CBX2: variants seen among roughly 807,000 people sequenced by gnomAD.
CBX2 encodes chromobox protein homolog 2.
Under a neutral mutation model 21.0 loss-of-function variants are expected in CBX2, and 11 were observed. That is an observed-to-expected ratio of 0.52 (90% CI 0.33 to 0.87). The LOEUF (loss-of-function observed/expected upper bound fraction) is 0.87, where lower values mean the gene tolerates loss of function less well. Ranked by LOEUF, CBX2 falls within the 40% of genes least tolerant of loss-of-function variation. CBX2 has a pLI of 0.02. For synonymous variants in CBX2, 364 were observed against 304.6 expected, an observed-to-expected ratio of 1.19 and a Z score of -2.03; for missense variants, 746 against 724.3, an observed-to-expected ratio of 1.03 and a Z score of -0.34.
Position 79,783,357 on chromosome 17 carries a change from G to A in CBX2, c.289-375G>A, listed in dbSNP as rs538793232. Among the ~76,000 whole-genome samples the A allele has an allele frequency of 2.1e-4, 32 of 152,224 alleles. 1 individual carries two copies. The highest frequency in any genetic ancestry group is 7.7e-4 in the African/African-American group (32 of 41,510). On this transcript the variant is annotated intron_variant, in intron 4 of 4. Transcript: ENST00000310942. ...GCCCAGTGTTCCTTGGGGACAGCAT[G>A]GCGCTCTGGACCCTGGGAACAGGCA...
Position 79,781,812 on chromosome 17 carries a change from G to T in CBX2, c.288+11G>T. ...CGCTCCAAGCTCAAGGTGGGTGGCT[G>T]CGCTGGGTATGCTGACCCCACCTCC... On this transcript the variant is annotated intron_variant, in intron 4 of 4. Transcript: ENST00000310942. 1 of 1,614,050 alleles carries T rather than the reference G, an allele frequency of 6.2e-7. No homozygotes were observed. The highest frequency in any genetic ancestry group is 8.5e-7 in the Non-Finnish European group (1 of 1,179,950).
At chr17:79,782,346 A>G in intron 4 of CBX2, 1 of 1,467,266 alleles carries the variant, frequency 6.8e-7, no homozygotes, top group Non-Finnish European at 9.0e-7. Context: ...CCTTCTCGGG[A>G]CTGTCCTGTC....
rs1162523343 is a variant in CBX2 at position 79,787,764 on chromosome 17, A to C, written c.*2722A>C. On this transcript the variant is annotated 3_prime_UTR_variant, in exon 5 of 5. Transcript: ENST00000310942. ...AGTGGCCAGTCTGTCTTCCTTAGAG[A>C]TGTTAGCATATTTTTATATGTATAT... 6.6e-6 allele frequency: 1 copy of C among 151,998 alleles called. No individual in the cohort carries two copies. Among genetic ancestry groups the C allele is most frequent in the Non-Finnish European group, 1.5e-5 (1 of 68,030 alleles). The allele number at this position is 151,998 out of a possible 1,614,324, so 9.4% of individuals were successfully genotyped here.
intron 4 of CBX2, chr17:79,782,063 G>A: frequency 6.2e-7 from 1 of 1,613,880 alleles, no homozygotes; most frequent in Non-Finnish European, 8.5e-7. Flanking sequence ...CTGCTGGGTG[G>A]CAGGGTCAAA....
At chr17:79,781,187 G>C (rs1161869056) in intron 3 of CBX2, among the ~76,000 whole-genome samples, 1 of 152,154 alleles carries the variant, frequency 6.6e-6, no homozygotes, top group African/African-American at 2.4e-5. Context: ...AACAAGGAGA[G>C]TCATGTGCCA....
chr17:79,778,734 C>T lies in CBX2; in HGVS notation c.116+307C>T, dbSNP rs571538361. Among the ~76,000 whole-genome samples the T allele has an allele frequency of 3.9e-5, 6 of 152,272 alleles. No individual in the cohort carries two copies. Among genetic ancestry groups the T allele is most frequent in the Non-Finnish European group, 7.4e-5 (5 of 67,984 alleles). On this transcript the variant is annotated intron_variant, in intron 2 of 4. Transcript: ENST00000310942. This position sits in a 1 kb window ranked among gnomAD's most constrained non-coding sequence, Gnocchi z 4.8. ...GAGGGAGGCGCGGGATGCAAGCCCC[C>T]CTCCTCTTGGCCAGATTCTCCCCGC...
chr17:79,782,550 G>T, intron 4 of CBX2: 1 of 1,059,504 alleles, frequency 9.4e-7, no homozygotes, highest in Non-Finnish European at 1.2e-6. Context: ...GCGTGTTGTG[G>T]CCACGAGCTC....
chr17:79,782,550 G>A (rs1266512992), intron 4 of CBX2: 2 of 1,059,384 alleles, frequency 1.9e-6, no homozygotes, highest in Admixed American at 4.8e-5. Context: ...GCGTGTTGTG[G>A]CCACGAGCTC....
Position 79,778,959 on chromosome 17 carries a change from A to G in CBX2, c.117-403A>G, listed in dbSNP as rs1484450072. 2.0e-5 allele frequency among the ~76,000 whole-genome samples: 3 copies of G among 151,282 alleles called. No homozygotes were observed. The highest frequency in any genetic ancestry group is 4.4e-5 in the Non-Finnish European group (3 of 67,822). On this transcript the variant is annotated intron_variant, in intron 2 of 4. Coordinates refer to ENST00000310942, the MANE Select transcript of CBX2 (RefSeq NM_005189.3). This position sits in a 1 kb window ranked among gnomAD's most constrained non-coding sequence, Gnocchi z 4.8. ...CGGCCCGCGCGCCACATTGTTCTGG[A>G]TCTCGGGCTGGGCGCCTGTGCCCCT...
chr17:79,782,552 C>T, intron 4 of CBX2: 1 of 1,052,634 alleles, frequency 9.5e-7, no homozygotes, highest in Non-Finnish European at 1.2e-6. Context: ...GTGTTGTGGC[C>T]ACGAGCTCAG....
At chr17:79,782,121 GA>G (rs782482889) in intron 4 of CBX2, 1 of 1,613,092 alleles carries the variant, frequency 6.2e-7, no homozygotes, top group Non-Finnish European at 8.5e-7. Flanking sequence ...TTGGGGGACG[GA>G]AAGGAACAGG....
intron 3 of CBX2, 77 bp from the exon 4 acceptor site, chr17:79,781,619 T>C (rs1907205968): frequency 8.0e-7 from 1 of 1,253,990 alleles, no homozygotes; most frequent in Admixed American, 1.7e-5. Flanking sequence ...AATAGGGTGC[T>C]GGAAGCCATA....
chr17:79,778,971 G>C lies in CBX2; in HGVS notation c.117-391G>C, dbSNP rs970013646. ...CACATTGTTCTGGATCTCGGGCTGG[G>C]CGCCTGTGCCCCTCCCTGCATGCTG... is the stretch of plus-strand genomic sequence containing the variant. On this transcript the variant is annotated intron_variant, in intron 2 of 4. Transcript: ENST00000310942. This position sits in a 1 kb window ranked among gnomAD's most constrained non-coding sequence, Gnocchi z 4.8. Among the ~76,000 whole-genome samples, 41 of 152,162 alleles carry C rather than the reference G, an allele frequency of 2.7e-4. No homozygotes were observed. Among genetic ancestry groups the C allele is most frequent in the African/African-American group, 9.6e-4 (40 of 41,454 alleles).
chr17:79,785,327 C>T lies in CBX2; in HGVS notation c.*285C>T. On this transcript the variant is annotated 3_prime_UTR_variant, in exon 5 of 5. Coordinates refer to ENST00000310942, the MANE Select transcript of CBX2 (RefSeq NM_005189.3). Reference sequence around the variant, plus strand: ...TCAGGAAACCCGGTGGCACCTGTGGCTCCAGGTGACTGTCTTGAACAGAGC... The same window carrying T: ...TCAGGAAACCCGGTGGCACCTGTGGTTCCAGGTGACTGTCTTGAACAGAGC... The T allele has an allele frequency of 1.9e-6, 1 of 526,030 alleles. No homozygotes were observed. Among genetic ancestry groups the T allele is most frequent in the Non-Finnish European group, 3.5e-6 (1 of 288,944 alleles). The allele number at this position is 526,030 out of a possible 1,614,324, so 32.6% of individuals were successfully genotyped here.
Position 79,783,809 on chromosome 17 carries a change from A to C in CBX2, c.366A>C (p.Glu122Asp). The part of the protein sequence containing the change: ...SSTSSSSSSD[E>D]EDDSDLDAKR... ...CGTCATCCTCCTCTTCCTCAGATGA[A>C]GAGGATGACAGTGACTTAGATGCTA... is the stretch of plus-strand genomic sequence containing the variant. The change falls in exon 5 of 5, where the codon GAA becomes GAC. Residue 122 changes from glutamate to aspartate, a missense_variant. Transcript: ENST00000310942. 6.3e-7 allele frequency: 1 copy of C among 1,596,330 alleles called. No individual in the cohort carries two copies. The highest frequency in any genetic ancestry group is 8.5e-7 in the Non-Finnish European group (1 of 1,171,464).
Position 79,784,065 on chromosome 17 carries a change from G to A in CBX2, c.622G>A (p.Val208Ile), listed in dbSNP as rs61738483. The A allele has an allele frequency of 3.5e-5, 56 of 1,612,522 alleles. No individual in the cohort carries two copies. Among genetic ancestry groups the A allele is most frequent in the East Asian group, 1.1e-4 (5 of 44,874 alleles). The change falls in exon 5 of 5, where the codon GTT becomes ATT. Residue 208 changes from valine (V) to isoleucine (I), a missense_variant. By Grantham distance (29) the Val-to-Ile change is conservative. This residue lies in a region of CBX2 where 701 missense variants were observed against 650.7 expected (regional missense o/e 1.08). Coordinates refer to ENST00000310942, the MANE Select transcript of CBX2 (RefSeq NM_005189.3). The surrounding 1 kb of genome is among the most constrained non-coding windows in gnomAD (Gnocchi z 5.9). ...SKLPPPLSAPVAGLAALKAHA... is the reference protein window; with the variant it reads ...SKLPPPLSAPIAGLAALKAHA... ...GCTGCCCCCTCCACTCAGCGCCCCC[G>A]TTGCAGGCCTGGCAGCTCTGAAGGC...
intron 4 of CBX2, chr17:79,782,010 C>G (rs781849532): frequency 2.7e-5 from 43 of 1,613,982 alleles, no homozygotes; most frequent in Non-Finnish European, 3.5e-5. Context: ...TCCTCCCCGC[C>G]CCTCCCAGGG....
In CBX2 at chr17:79,784,209, A is replaced by G. The variant is rs781806757; in HGVS notation, c.766A>G (p.Ile256Val). ...GGGTGGCATCAGCTGGCAGAGCTCC[A>G]TCGTGCACTACATGAACCGGATGAC... ...GRGGISWQSS[I>V]VHYMNRMTQS... The change falls in exon 5 of 5, where the codon ATC becomes GTC. Residue 256 changes from isoleucine to valine, a missense_variant. Ile to Val is a conservative substitution (Grantham distance 29). Transcript: ENST00000310942. This position sits in a 1 kb window ranked among gnomAD's most constrained non-coding sequence, Gnocchi z 5.9. The G allele has an allele frequency of 4.3e-6, 7 of 1,612,732 alleles. No homozygotes were observed. In the South Asian group the frequency reaches 4.4e-5, roughly 10 times the overall value.
In CBX2 at chr17:79,783,887, G is replaced by C; in HGVS notation, c.444G>C (p.Gln148His). ...ACCCAGTGCCGCAGAAGAAGGCCCA[G>C]ATCCTGGTGGCCAAACCCGAGCTGA... Reference protein sequence around the residue: ...ETHPVPQKKAQILVAKPELKD... With the variant: ...ETHPVPQKKAHILVAKPELKD... The change falls in exon 5 of 5, where the codon CAG becomes CAC. Residue 148 changes from glutamine (Q) to histidine (H), a missense_variant. By Grantham distance (24) the Gln-to-His change is conservative. This residue lies in a region of CBX2 where 701 missense variants were observed against 650.7 expected (regional missense o/e 1.08). Coordinates refer to ENST00000310942, the MANE Select transcript of CBX2 (RefSeq NM_005189.3). The C allele has an allele frequency of 6.2e-7, 1 of 1,614,072 alleles. No individual in the cohort carries two copies. Among genetic ancestry groups the C allele is most frequent in the Non-Finnish European group, 8.5e-7 (1 of 1,180,016 alleles).
Sources: allele counts gnomAD v4.1 joint callset (sites outside exome capture counted in the v4.1 genomes callset), GRCh38; gene constraint gnomAD v4.1.1; regional missense constraint gnomAD v4.1.1; non-coding constraint Gnocchi (gnomAD v3.1); transcripts MANE v1.5; gene names NCBI Gene and HGNC (gene_info 2026-07-23, HGNC 2026-07-21).